Variants in PDE10A observed in about 807,000 individuals in gnomAD.
The protein encoded by PDE10A is phosphodiesterase 10A.
A neutral mutation model predicts 97.7 loss-of-function variants in PDE10A; 39 were observed. The observed-to-expected ratio is 0.40, with a 90% CI of 0.31 to 0.52. The LOEUF is 0.52. Among genes scored for constraint, PDE10A ranks in the 20% least tolerant of loss-of-function variants. PDE10A has a pLI of 0.56. For missense variants in PDE10A, 731 were observed against 1,047.8 expected, an observed-to-expected ratio of 0.70 and a Z score of 4.17; for synonymous variants, 371 against 376.8, an observed-to-expected ratio of 0.98 and a Z score of 0.18.
Position 165,376,364 on chromosome 6 carries a change from G to T in PDE10A, c.2783+2830C>A, listed in dbSNP as rs116983698. 1.9e-3 allele frequency among the ~76,000 whole-genome samples: 288 copies of T among 152,346 alleles called. 1 individual carries two copies. Among genetic ancestry groups the T allele is most frequent in the Non-Finnish European group, 3.0e-3 (203 of 68,036 alleles). On this transcript the variant is annotated intron_variant, in intron 18 of 21. Coordinates refer to ENST00000539869, the MANE Select transcript of PDE10A (RefSeq NM_001385079.1). Reference sequence around the variant, plus strand: ...GAGGTGCTTCTTATGAATGAGCCAAGAAAGTTTCTTGAGATGACATCTACT... The same window carrying T: ...GAGGTGCTTCTTATGAATGAGCCAATAAAGTTTCTTGAGATGACATCTACT...
chr6:165,765,461 C>T (rs571183540), intron 1 of PDE10A, among the ~76,000 whole-genome samples: 5 of 152,372 alleles, frequency 3.3e-5, no homozygotes, highest in South Asian at 2.1e-4. Flanking sequence ...GGCGAGAAAT[C>T]GAGCGCAGCG....
intron 2 of PDE10A, among the ~76,000 whole-genome samples, chr6:165,497,209 TTC>T (rs1305990212): frequency 9.2e-5 from 14 of 152,332 alleles, no homozygotes; most frequent in Middle Eastern, 3.4e-3. Context: ...TAATCACATT[TTC>T]TGACAATGTT....
In PDE10A at chr6:165,392,736, A is replaced by G. The variant is rs1276409888; in HGVS notation, c.2364T>C (p.Val788=). 1 of 1,613,900 alleles carries G rather than the reference A, an allele frequency of 6.2e-7. No individual in the cohort carries two copies. Among genetic ancestry groups the G allele is most frequent in the African/African-American group, 1.3e-5 (1 of 75,054 alleles). Residue 788 remains valine (V), a synonymous_variant, in exon 16 of 22, where the codon GTT becomes GTC. Transcript: ENST00000539869. ...IMSVKKNYRR[V]PYHNWKHAVT... ...CCGCATGCTTCCAGTTGTGATAAGGAACCCGCCGATAGTTCTTCTTCACAG... is the reference window on the plus strand; with the variant it reads ...CCGCATGCTTCCAGTTGTGATAAGGGACCCGCCGATAGTTCTTCTTCACAG...
chr6:165,545,246 C>T, intron 1 of PDE10A: 1 of 490,812 alleles, frequency 2.0e-6, no homozygotes, highest in South Asian at 1.5e-5. Context: ...AATGACGACA[C>T]CAAAATCTAA....
intron 1 of PDE10A, among the ~76,000 whole-genome samples, chr6:165,713,737 T>A (rs1791960163): frequency 6.6e-6 from 1 of 152,244 alleles, no homozygotes; most frequent in Non-Finnish European, 1.5e-5. Flanking sequence ...AGTGTAATTA[T>A]CAACTGGTGT....
chr6:165,354,172 G>A (rs545709479), intron 18 of PDE10A, among the ~76,000 whole-genome samples: 2 of 152,334 alleles, frequency 1.3e-5, no homozygotes, highest in African/African-American at 4.8e-5. Flanking sequence ...AAGGCATGAT[G>A]CCACATTGAT....
chr6:165,403,200 T>C lies in PDE10A; in HGVS notation c.2077-6741A>G, dbSNP rs542705. ...CTCTCAGCGCTATCAGCAACCGTTA[T>C]CTTAGATGGGTATCAGCACTGTGTT... On this transcript the variant is annotated intron_variant, in intron 13 of 21. Coordinates refer to ENST00000539869, the MANE Select transcript of PDE10A (RefSeq NM_001385079.1). Among the ~76,000 whole-genome samples, 546 of 152,312 alleles carry C rather than the reference T, an allele frequency of 3.6e-3. 5 individuals are homozygous for C. The highest frequency in any genetic ancestry group is 0.013 in the African/African-American group (524 of 41,562).
chr6:165,609,836 C>T (rs1391803905), intron 1 of PDE10A, among the ~76,000 whole-genome samples: 1 of 152,122 alleles, frequency 6.6e-6, no homozygotes, highest in African/African-American at 2.4e-5. Context: ...GAACTACAAA[C>T]CACTGCTCAA....
chr6:165,442,862 T>C (rs1305800442), intron 5 of PDE10A, among the ~76,000 whole-genome samples: 1 of 151,998 alleles, frequency 6.6e-6, no homozygotes, highest in African/African-American at 2.4e-5. Context: ...CTCACGCTTG[T>C]AATGGGGAGG....
intron 6 of PDE10A, among the ~76,000 whole-genome samples, chr6:165,433,385 T>C (rs2128238953): frequency 6.6e-6 from 1 of 152,164 alleles, no homozygotes; most frequent in East Asian, 1.9e-4. Context: ...ATGACATATG[T>C]TAATTTCATA....
At chr6:165,514,790 A>T (rs1562537533) in intron 2 of PDE10A, among the ~76,000 whole-genome samples, 2 of 152,206 alleles carry the variant, frequency 1.3e-5, no homozygotes. Context: ...TCCAGGCCAT[A>T]ACACCATGAT....
chr6:165,565,199 T>A (rs2128340284), intron 1 of PDE10A, among the ~76,000 whole-genome samples: 1 of 151,762 alleles, frequency 6.6e-6, no homozygotes, highest in East Asian at 1.9e-4. Context: ...TATAGAAAAA[T>A]TTTTTTAAAA....
rs755649060 is a variant in PDE10A, at chr6:165,431,487, A to G, written c.1492-15T>C. 7 of 1,515,580 alleles carry G rather than the reference A, an allele frequency of 4.6e-6. No individual in the cohort carries two copies. In the East Asian group the frequency reaches 1.2e-4, roughly 25 times the overall value. 93.9% of individuals were successfully genotyped at this position (1,515,580 alleles called of 1,614,324 possible). ...GCTGTTGCAACCTAAAAAAAACAAGAAATACATACCTATAAGTAATAATAC... is the reference window on the plus strand; with the variant it reads ...GCTGTTGCAACCTAAAAAAAACAAGGAATACATACCTATAAGTAATAATAC... On this transcript the variant is annotated splice_polypyrimidine_tract_variant and intron_variant, in intron 7 of 21. Coordinates refer to ENST00000539869, the MANE Select transcript of PDE10A (RefSeq NM_001385079.1).
chr6:165,869,941 CA>C (rs1312507526), intron 1 of PDE10A, among the ~76,000 whole-genome samples: 1 of 152,026 alleles, frequency 6.6e-6, no homozygotes, highest in Non-Finnish European at 1.5e-5. Context: ...ATACAAAAAT[CA>C]ACCCAAAATG....
intron 1 of PDE10A, chr6:165,949,208 T>C (rs1783874550): frequency 6.6e-6 from 1 of 152,248 alleles, no homozygotes; most frequent in East Asian, 1.9e-4. Context: ...GATTAAGCCA[T>C]ATTGGTCACG....
At chr6:165,569,508 G>A (rs1361610975) in intron 1 of PDE10A, among the ~76,000 whole-genome samples, 1 of 152,138 alleles carries the variant, frequency 6.6e-6, no homozygotes, top group Non-Finnish European at 1.5e-5. Context: ...GGGTCTGAAT[G>A]TTTGTGTCTT....
chr6:165,731,984 C>A (rs1450677038), intron 1 of PDE10A, among the ~76,000 whole-genome samples: 1 of 152,106 alleles, frequency 6.6e-6, no homozygotes, highest in African/African-American at 2.4e-5. Flanking sequence ...AGAATATTAG[C>A]GTTCTTTTAT....
In PDE10A at chr6:165,418,934, T is replaced by A. The variant is rs1264866168; in HGVS notation, c.1654-157A>T. Among the ~76,000 whole-genome samples the A allele has an allele frequency of 2.0e-5, 3 of 152,194 alleles. No homozygotes were observed. The highest frequency in any genetic ancestry group is 4.4e-5 in the Non-Finnish European group (3 of 68,040). On this transcript the variant is annotated intron_variant, in intron 10 of 21. Transcript: ENST00000539869. This position sits in a 1 kb window ranked among gnomAD's most constrained non-coding sequence, Gnocchi z 4.8. Reference sequence around the variant, plus strand: ...AATAAATATACAAGTATATAAATATTTCATATATATGATATAAAAGTCACT... The same window carrying A: ...AATAAATATACAAGTATATAAATATATCATATATATGATATAAAAGTCACT...
In PDE10A at chr6:165,941,795, C is replaced by T. The variant is rs117981742; in HGVS notation, c.-615+45734G>A. Among the ~76,000 whole-genome samples the T allele has an allele frequency of 6.3e-3, 960 of 152,276 alleles. 44 individuals are homozygous for T. The East Asian group carries it at 0.11, about 18-fold the overall frequency. Reference sequence around the variant, plus strand: ...GCTGTGGGTCAATTAAACCTCTTTTCTTTATAAATTTCCCAGTCTCAAGTG... The same window carrying T: ...GCTGTGGGTCAATTAAACCTCTTTTTTTTATAAATTTCCCAGTCTCAAGTG... On this transcript the variant is annotated intron_variant, in intron 1 of 19. Coordinates refer to the PDE10A transcript ENST00000366882.
Sources: allele counts gnomAD v4.1 joint callset (sites outside exome capture counted in the v4.1 genomes callset), GRCh38; gene constraint gnomAD v4.1.1; non-coding constraint Gnocchi (gnomAD v3.1); transcripts MANE v1.5; gene names NCBI Gene and HGNC (gene_info 2026-07-23, HGNC 2026-07-21).